CHRM3: variants seen among roughly 807,000 people sequenced by gnomAD.
CHRM3 encodes cholinergic receptor muscarinic 3.
CHRM3 carries 11 observed loss-of-function variants against 41.8 expected under a neutral mutation model. The ratio of observed to expected loss-of-function variants is 0.26; its 90% CI spans 0.17 to 0.44. The LOEUF (loss-of-function observed/expected upper bound fraction) is 0.44, where lower values mean the gene tolerates loss of function less well. CHRM3 is among the 20% of genes least tolerant of loss of function. The pLI is 1.00. For missense variants in CHRM3, 571 were observed against 745.4 expected (o/e 0.77, Z 2.72); for synonymous variants, 297 against 301.4 (o/e 0.99, Z 0.15).
chr1:239,600,272 G>A lies in CHRM3; in HGVS notation c.-312-31952G>A, dbSNP rs541270614. Among the ~76,000 whole-genome samples, 3 of 152,116 alleles carry A rather than the reference G, an allele frequency of 2.0e-5. No homozygotes were observed. In the East Asian group the frequency reaches 5.8e-4, roughly 30 times the overall value. On this transcript the variant is annotated intron_variant, in intron 3 of 6. Coordinates refer to ENST00000676153, the MANE Select transcript of CHRM3 (RefSeq NM_001375978.1). ...TCATGTTGGTGGTTAGTCTTGGGGG[G>A]CCATCCCAATGCATTCTCTGCCCTC... is the stretch of plus-strand genomic sequence containing the variant.
At chr1:239,525,554 A>G (rs1373146650) in intron 2 of CHRM3, among the ~76,000 whole-genome samples, 1 of 152,186 alleles carries the variant, frequency 6.6e-6, no homozygotes, top group Non-Finnish European at 1.5e-5. Context: ...AGTTCAGCAG[A>G]AGTTGAACAA....
chr1:239,558,543 AACCTTG>A (rs1660583001), intron 3 of CHRM3, among the ~76,000 whole-genome samples: 1 of 152,210 alleles, frequency 6.6e-6, no homozygotes, highest in Non-Finnish European at 1.5e-5. Context: ...ATTTCAGCTT[AACCTTG>A]ACCATATAGA....
intron 5 of CHRM3, among the ~76,000 whole-genome samples, chr1:239,775,712 T>A (rs979340039): frequency 6.6e-6 from 1 of 152,180 alleles, no homozygotes; most frequent in Non-Finnish European, 1.5e-5. Context: ...TGAGACACAC[T>A]AGAATGTGGC....
chr1:239,502,240 A>G (rs963052537), intron 2 of CHRM3, among the ~76,000 whole-genome samples: 1 of 152,192 alleles, frequency 6.6e-6, no homozygotes, highest in Non-Finnish European at 1.5e-5. Flanking sequence ...TTAAGAAATG[A>G]AACAGGAAAT....
At chr1:239,836,011 T>C (rs1277058345) in intron 6 of CHRM3, among the ~76,000 whole-genome samples, 2 of 152,246 alleles carry the variant, frequency 1.3e-5, no homozygotes, top group African/African-American at 4.8e-5. Flanking sequence ...AGGAAAAAGA[T>C]CCATGCTATG....
At chr1:239,404,416 AAGAAAGAAAGAAAGAAAGAAAG>A (rs1558195819) in intron 1 of CHRM3, among the ~76,000 whole-genome samples, 1,046 of 77,598 alleles carry the variant, frequency 0.013, 7 homozygotes, top group Non-Finnish European at 0.018. Flanking sequence ...AAGAAAAAGA[AAGAAAGAAAGAAAGAAAGAAAG>A]AAAGAAAGAA....
intron 5 of CHRM3, among the ~76,000 whole-genome samples, chr1:239,762,669 T>G (rs1457230449): frequency 6.6e-6 from 1 of 152,202 alleles, no homozygotes; most frequent in African/African-American, 2.4e-5. Context: ...TCATTAAATT[T>G]GTAGATGATA....
At chr1:239,853,265 A>C (rs1273953597) in intron 6 of CHRM3, among the ~76,000 whole-genome samples, 1 of 151,942 alleles carries the variant, frequency 6.6e-6, no homozygotes, top group East Asian at 1.9e-4. Flanking sequence ...TAAATATGTG[A>C]AGAGTTAGAA....
intron 1 of CHRM3, among the ~76,000 whole-genome samples, chr1:239,448,078 C>T (rs1664283660): frequency 6.6e-6 from 1 of 152,156 alleles, no homozygotes; most frequent in Admixed American, 6.5e-5. Context: ...GCAAATTATT[C>T]AACCTCTTTC....
At chr1:239,459,323 T>C (rs1051727472) in intron 1 of CHRM3, among the ~76,000 whole-genome samples, 2 of 152,204 alleles carry the variant, frequency 1.3e-5, no homozygotes, top group African/African-American at 4.8e-5. Flanking sequence ...TTTCTACTTA[T>C]ATTTTAACAA....
chr1:239,874,311 A>ACACAG (rs1382406937), intron 6 of CHRM3, among the ~76,000 whole-genome samples: 25 of 124,858 alleles, frequency 2.0e-4, no homozygotes, highest in South Asian at 1.2e-3. Flanking sequence ...ATATATATAT[A>ACACAG]TATATATATA....
rs1276349883 is a variant in CHRM3, at chr1:239,387,690, A to T, written c.-521+463A>T. Among the ~76,000 whole-genome samples, 1 of 152,042 alleles carries T rather than the reference A, an allele frequency of 6.6e-6. No individual in the cohort carries two copies. The highest frequency in any genetic ancestry group is 2.1e-4 in the South Asian group (1 of 4,808). On this transcript the variant is annotated intron_variant, in intron 1 of 6. Transcript: ENST00000676153. This position sits in a 1 kb window ranked among gnomAD's most constrained non-coding sequence, Gnocchi z 5.1. ...CTCGTGTGTTGAGCGTTTGTCTCCC[A>T]TCTCCCCATTTGGTTTCCTGTCATT...
chr1:239,542,695 C>T (rs1021428393), intron 2 of CHRM3, among the ~76,000 whole-genome samples: 1 of 152,142 alleles, frequency 6.6e-6, no homozygotes, highest in Non-Finnish European at 1.5e-5. Flanking sequence ...CAGCTCAAAA[C>T]TCACCTTCTC....
chr1:239,831,761 T>C (rs1672913665), intron 6 of CHRM3, among the ~76,000 whole-genome samples: 2 of 152,184 alleles, frequency 1.3e-5, no homozygotes, highest in Admixed American at 1.3e-4. Flanking sequence ...GGGAGGATCT[T>C]TGGCCAATAG....
At chr1:239,578,921 C>T (rs974950618) in intron 3 of CHRM3, among the ~76,000 whole-genome samples, 2 of 152,156 alleles carry the variant, frequency 1.3e-5, no homozygotes, top group African/African-American at 4.8e-5. Flanking sequence ...TGCCCAAGTT[C>T]AGAAACTTGT....
intron 2 of CHRM3, among the ~76,000 whole-genome samples, chr1:239,537,225 A>G (rs1422726393): frequency 1.3e-5 from 2 of 152,166 alleles, no homozygotes; most frequent in Non-Finnish European, 2.9e-5. Context: ...CAGTTCTTGC[A>G]TTGCTATACA....
chr1:239,514,896 G>C lies in CHRM3; in HGVS notation c.-422+22089G>C, dbSNP rs116615889. Among the ~76,000 whole-genome samples the C allele has an allele frequency of 5.0e-3, 763 of 152,186 alleles. 6 individuals are homozygous for C. The highest frequency in any genetic ancestry group is 0.018 in the African/African-American group (732 of 41,532). On this transcript the variant is annotated intron_variant, in intron 2 of 6. Coordinates refer to ENST00000676153, the MANE Select transcript of CHRM3 (RefSeq NM_001375978.1). Reference sequence around the variant, plus strand: ...TATTTGGAATGATACCATGGTAGAAGTAAAATTTTGAAATTTGAAGGACTC... The same window carrying C: ...TATTTGGAATGATACCATGGTAGAACTAAAATTTTGAAATTTGAAGGACTC...
At chr1:239,468,537 G>T (rs1419759151) in intron 1 of CHRM3, among the ~76,000 whole-genome samples, 1 of 152,104 alleles carries the variant, frequency 6.6e-6, no homozygotes, top group African/African-American at 2.4e-5. Flanking sequence ...GCTATTTTAG[G>T]AGGAATTTTG....
intron 5 of CHRM3, among the ~76,000 whole-genome samples, chr1:239,689,186 T>G (rs1312624678): frequency 6.6e-6 from 1 of 152,004 alleles, no homozygotes; most frequent in Non-Finnish European, 1.5e-5. Context: ...ACAATTAGAG[T>G]AAAAATGTGA....
Sources: gnomAD v4.1 joint callset for allele counts (sites outside exome capture counted in the v4.1 genomes callset) on GRCh38, gnomAD v4.1.1 for gene constraint, Gnocchi (gnomAD v3.1) non-coding constraint, MANE v1.5 for transcripts, NCBI Gene and HGNC (gene_info 2026-07-23, HGNC 2026-07-21) for gene names.